Variants in LAMC1 observed in about 807,000 individuals in gnomAD.
The protein encoded by LAMC1 is laminin subunit gamma-1.
A neutral mutation model predicts 173.6 loss-of-function variants in LAMC1; 38 were observed. The observed-to-expected ratio is 0.22, with a 90% CI of 0.17 to 0.29. LAMC1 has a LOEUF of 0.29. Ranked by LOEUF, LAMC1 falls within the 10% of genes least tolerant of loss-of-function variation. The pLI is 1.00. For synonymous variants in LAMC1, 746 were observed against 749.1 expected, an observed-to-expected ratio of 1.00 and a Z score of 0.07; for missense variants, 1,824 against 2,051.8, an observed-to-expected ratio of 0.89 and a Z score of 2.14.
intron 26 of LAMC1, 22 bp downstream of exon 26, chr1:183,137,849 G>T (rs374840677): frequency 6.3e-7 from 1 of 1,577,654 alleles, no homozygotes; most frequent in Non-Finnish European, 8.6e-7. Context: ...TGGTATATTT[G>T]CTCATTGGCA....
chr1:183,051,654 G>C (rs1324713295), intron 1 of LAMC1, among the ~76,000 whole-genome samples: 1 of 152,310 alleles, frequency 6.6e-6, no homozygotes, highest in East Asian at 1.9e-4. Flanking sequence ...CTTCCCAAGG[G>C]GAATCAGCCT....
At chr1:183,138,925 G>A (rs1657027827) in intron 26 of LAMC1, among the ~76,000 whole-genome samples, 2 of 152,134 alleles carry the variant, frequency 1.3e-5, no homozygotes, top group East Asian at 1.9e-4. Flanking sequence ...ATGGTGGTGG[G>A]TGCCTGTTAC....
At chr1:183,036,995 C>A (rs183601172) in intron 1 of LAMC1, among the ~76,000 whole-genome samples, 1 of 152,044 alleles carries the variant, frequency 6.6e-6, no homozygotes, top group Non-Finnish European at 1.5e-5. Flanking sequence ...AGGCTGGCCT[C>A]GAACTCCTGA....
intron 1 of LAMC1, among the ~76,000 whole-genome samples, chr1:183,081,277 G>T (rs1232839436): frequency 6.6e-6 from 1 of 152,102 alleles, no homozygotes; most frequent in Non-Finnish European, 1.5e-5. Context: ...TGTTTTAAAT[G>T]AAATTTAGTA....
At position 183,144,876 on chromosome 1, in the gene LAMC1, A is replaced by G. The variant is rs1571472895; in HGVS notation, c.*2086A>G. The G allele has an allele frequency of 6.6e-6, 1 of 152,174 alleles. No individual in the cohort carries two copies. Among genetic ancestry groups the G allele is most frequent in the African/African-American group, 2.4e-5 (1 of 41,432 alleles). 9.4% of individuals were successfully genotyped at this position (152,174 alleles called of 1,614,324 possible). On this transcript the variant is annotated 3_prime_UTR_variant, in exon 28 of 28. Transcript: ENST00000258341. ...CTTGATGATCCCACTTCCTGTTTCC[A>G]TCTGCTTGGGATATACCAGAGTTTA...
intron 1 of LAMC1, among the ~76,000 whole-genome samples, chr1:183,049,743 C>T (rs746502093): frequency 5.9e-5 from 9 of 152,004 alleles, no homozygotes; most frequent in Middle Eastern, 3.4e-3. Context: ...GGATGACAGG[C>T]GTGAGCCACC....
chr1:183,058,264 C>T (rs1654649964), intron 1 of LAMC1, among the ~76,000 whole-genome samples: 1 of 152,196 alleles, frequency 6.6e-6, no homozygotes, highest in African/African-American at 2.4e-5. Flanking sequence ...TGTTCTATTT[C>T]ATACCTGTAA....
At chr1:183,052,795 C>G (rs1237405708) in intron 1 of LAMC1, among the ~76,000 whole-genome samples, 1 of 152,140 alleles carries the variant, frequency 6.6e-6, no homozygotes, top group Non-Finnish European at 1.5e-5. Context: ...AAAGAAGGTT[C>G]TATTCAGTCA....
At chr1:183,099,946 C>CT (rs1243717652) in intron 1 of LAMC1, among the ~76,000 whole-genome samples, 1 of 152,136 alleles carries the variant, frequency 6.6e-6, no homozygotes, top group African/African-American at 2.4e-5. Context: ...TCTCTGTTCT[C>CT]TATTTCAGTG....
rs775164191 is a variant in LAMC1 at position 183,038,284 on chromosome 1, C to T, written c.418+14150C>T. ...CTCCTGACCTCAGGTGAGTCACCCA[C>T]CTAAAGTCCTGGGGTTACAGGCGTG... is the stretch of plus-strand genomic sequence containing the variant. On this transcript the variant is annotated intron_variant, in intron 1 of 27. Coordinates refer to ENST00000258341, the MANE Select transcript of LAMC1 (RefSeq NM_002293.4). 7.0e-4 allele frequency among the ~76,000 whole-genome samples: 107 copies of T among 152,088 alleles called. 2 individuals are homozygous for T. The highest frequency in any genetic ancestry group is 7.1e-4 in the Non-Finnish European group (48 of 68,026).
intron 1 of LAMC1, among the ~76,000 whole-genome samples, chr1:183,034,033 G>A (rs894374213): frequency 1.3e-5 from 2 of 151,842 alleles, no homozygotes; most frequent in Non-Finnish European, 2.9e-5. Context: ...TATTTCCAGT[G>A]ATCTGAAAAG....
At chr1:183,078,089 A>C (rs1351724414) in intron 1 of LAMC1, among the ~76,000 whole-genome samples, 3 of 152,090 alleles carry the variant, frequency 2.0e-5, no homozygotes, top group African/African-American at 7.2e-5. Context: ...CCCAACAAGA[A>C]TTTTATTATA....
rs934204391 is a variant in LAMC1 at position 183,061,094 on chromosome 1, CT to C, written c.418+36961del. Among the ~76,000 whole-genome samples, 493 of 152,186 alleles carry C rather than the reference CT, an allele frequency of 3.2e-3. 2 individuals carry two copies. The highest frequency in any genetic ancestry group is 0.012 in the African/African-American group (484 of 41,498). On this transcript the variant is annotated intron_variant, in intron 1 of 27. Transcript: ENST00000258341. ...AGATGTGAGTTAATGAGGGATAGGA[CT>C]AGGGTGATGTCGATCAGAAAGGCAA...
intron 1 of LAMC1, among the ~76,000 whole-genome samples, chr1:183,055,026 T>C (rs926064529): frequency 3.3e-5 from 5 of 151,526 alleles, no homozygotes; most frequent in African/African-American, 7.3e-5. Flanking sequence ...TTCGCTCTTG[T>C]TGCCTAGGCT....
intron 4 of LAMC1, among the ~76,000 whole-genome samples, chr1:183,113,234 G>A (rs1436528267): frequency 6.6e-6 from 1 of 152,126 alleles, no homozygotes; most frequent in Non-Finnish European, 1.5e-5. Flanking sequence ...GGAGGATCAC[G>A]TGAGCTCAGG....
chr1:183,138,114 C>A, intron 26 of LAMC1: 1 of 487,852 alleles, frequency 2.0e-6, no homozygotes, highest in Non-Finnish European at 2.7e-6. Flanking sequence ...TTATATTTTT[C>A]ACTGGGTAAT....
chr1:183,058,862 G>A (rs1357444239), intron 1 of LAMC1, among the ~76,000 whole-genome samples: 1 of 152,148 alleles, frequency 6.6e-6, no homozygotes, highest in Non-Finnish European at 1.5e-5. Flanking sequence ...CTACCTACAT[G>A]TTTACATGTA....
At chr1:183,074,882 A>G (rs1655088268) in intron 1 of LAMC1, among the ~76,000 whole-genome samples, 1 of 152,114 alleles carries the variant, frequency 6.6e-6, no homozygotes. Flanking sequence ...AACCTCTTCC[A>G]TTTATCTACC....
At chr1:183,083,250 T>C (rs2102052330) in intron 1 of LAMC1, among the ~76,000 whole-genome samples, 1 of 152,334 alleles carries the variant, frequency 6.6e-6, no homozygotes, top group East Asian at 1.9e-4. Context: ...TATCTGTCTT[T>C]AAAGGTAGAT....
Sources: allele counts gnomAD v4.1 joint callset (sites outside exome capture counted in the v4.1 genomes callset), GRCh38; gene constraint gnomAD v4.1.1; transcripts MANE v1.5; gene names NCBI Gene and HGNC (gene_info 2026-07-23, HGNC 2026-07-21).